Variants in DLGAP1 observed in about 807,000 individuals in gnomAD.
DLGAP1 encodes DLG associated protein 1.
A neutral mutation model predicts 90.8 loss-of-function variants in DLGAP1; 11 were observed. The observed-to-expected ratio is 0.12, with a 90% CI of 0.08 to 0.20. DLGAP1 has a LOEUF of 0.20. DLGAP1 is among the 10% of genes least tolerant of loss of function. The pLI is 1.00. For synonymous variants in DLGAP1, 558 were observed against 540.7 expected (o/e 1.03, Z -0.44); for missense variants, 1,050 against 1,333.8 (o/e 0.79, Z 3.31).
intron 7 of DLGAP1, among the ~76,000 whole-genome samples, chr18:3,595,710 G>C (rs930565004): frequency 5.3e-5 from 8 of 152,226 alleles, no homozygotes; most frequent in African/African-American, 1.9e-4. Flanking sequence ...GCTGCTTCCA[G>C]TAGGGAATGT....
rs781536420 is a variant in DLGAP1, at chr18:3,879,147, A to G, written c.922T>C (p.Ser308Pro). 6.6e-7 allele frequency: 1 copy of G among 1,508,982 alleles called. No individual in the cohort carries two copies. Among genetic ancestry groups the G allele is most frequent in the Non-Finnish European group, 8.9e-7 (1 of 1,128,592 alleles). 93.5% of individuals were successfully genotyped at this position (1,508,982 alleles called of 1,614,324 possible). The change falls in exon 4 of 13, where the codon TCG becomes CCG. Residue 308 changes from serine (S) to proline (P), a missense_variant. By Grantham distance (74) the Ser-to-Pro change is moderately conservative. Transcript: ENST00000315677. This position sits in a 1 kb window ranked among gnomAD's most constrained non-coding sequence, Gnocchi z 6.6. ...TGGCAGGAGCGTTCTTGCTGACACGACTCGGACTTCACCATGGCCTGGTCC... is the reference window on the plus strand; with the variant it reads ...TGGCAGGAGCGTTCTTGCTGACACGGCTCGGACTTCACCATGGCCTGGTCC... ...NMDQAMVKSE[S>P]CQQERSCQYL...
At chr18:3,624,862 T>C (rs2058233276) in intron 7 of DLGAP1, among the ~76,000 whole-genome samples, 1 of 151,854 alleles carries the variant, frequency 6.6e-6, no homozygotes, top group East Asian at 1.9e-4. Flanking sequence ...CTCCAAGAAA[T>C]AGACCACTAA....
chr18:3,600,869 TATAGATATATAG>T lies in DLGAP1; in HGVS notation c.1592-18633_1592-18622del, dbSNP rs1422650906. The stretch of plus-strand genomic sequence containing the variant: ...ATAGATATATAGATATATATAGATA[TATAGATATATAG>T]ATAGATATATAGATATATATAGATA... On this transcript the variant is annotated intron_variant, in intron 7 of 12. Transcript: ENST00000315677. Among the ~76,000 whole-genome samples the T allele has an allele frequency of 4.5e-3, 353 of 77,832 alleles. 31 individuals are homozygous for T. The highest frequency in any genetic ancestry group is 0.016 in the East Asian group (54 of 3,370). 51.1% of individuals were successfully genotyped at this position (77,832 alleles called of 152,430 possible).
chr18:4,231,892 A>G (rs2078306591), intron 1 of DLGAP1, among the ~76,000 whole-genome samples: 1 of 152,164 alleles, frequency 6.6e-6, no homozygotes, highest in Non-Finnish European at 1.5e-5. Flanking sequence ...TGCTATTGAC[A>G]CTAAGAATGA....
At chr18:3,714,719 C>T (rs1336191974) in intron 7 of DLGAP1, among the ~76,000 whole-genome samples, 2 of 149,814 alleles carry the variant, frequency 1.3e-5, no homozygotes, top group African/African-American at 4.9e-5. Flanking sequence ...CTGAGACCTC[C>T]ACCTCCCAGG....
At chr18:3,734,251 T>TTC (rs746959031) in intron 6 of DLGAP1, among the ~76,000 whole-genome samples, 9 of 150,660 alleles carry the variant, frequency 6.0e-5, no homozygotes, top group Non-Finnish European at 1.0e-4. Context: ...CTCTCTCTCT[T>TTC]TCTCTCTCTC....
At chr18:4,296,926 C>T (rs1309269572) in intron 1 of DLGAP1, among the ~76,000 whole-genome samples, 2 of 152,118 alleles carry the variant, frequency 1.3e-5, no homozygotes, top group South Asian at 4.1e-4. Context: ...TCTTTCATCA[C>T]CAAATAGCAC....
At chr18:3,896,351 A>T (rs1472871799) in intron 3 of DLGAP1, 1 of 152,242 alleles carries the variant, frequency 6.6e-6, no homozygotes, top group African/African-American at 2.4e-5. Context: ...CCGTCAATCA[A>T]TGCATCTCCA....
intron 3 of DLGAP1, among the ~76,000 whole-genome samples, chr18:3,997,634 T>C (rs959515642): frequency 6.6e-6 from 1 of 151,954 alleles, no homozygotes; most frequent in Non-Finnish European, 1.5e-5. Context: ...AACAGCACCA[T>C]ACAATAGAAA....
At position 3,496,425 on chromosome 18, in the gene DLGAP1, T is replaced by G. The variant is rs1455770764; in HGVS notation, c.*2760A>C. On this transcript the variant is annotated 3_prime_UTR_variant, in exon 13 of 13. Transcript: ENST00000315677. ...ATATATTACAATAAATTAGTTCTAT[T>G]TACCATTTCAAATATTAAAAATCTT... The G allele has an allele frequency of 6.6e-6, 1 of 152,200 alleles. No individual in the cohort carries two copies. Among genetic ancestry groups the G allele is most frequent in the African/African-American group, 2.4e-5 (1 of 41,452 alleles). The allele number at this position is 152,200 out of a possible 1,614,324, so 9.4% of individuals were successfully genotyped here.
At chr18:3,850,751 T>C (rs1349011766) in intron 4 of DLGAP1, among the ~76,000 whole-genome samples, 2 of 152,196 alleles carry the variant, frequency 1.3e-5, no homozygotes, top group Non-Finnish European at 2.9e-5. Flanking sequence ...CCGTGAGTGC[T>C]TAAAGAAGCA....
At chr18:3,955,781 G>A (rs542211059) in intron 3 of DLGAP1, among the ~76,000 whole-genome samples, 35 of 151,812 alleles carry the variant, frequency 2.3e-4, no homozygotes, top group African/African-American at 8.2e-4. Flanking sequence ...CATCTAGAGA[G>A]AAAACTAGTA....
In DLGAP1 at chr18:3,534,262, C is replaced by T. The variant is rs2052195038; in HGVS notation, c.2411G>A (p.Arg804Gln). 7.4e-6 allele frequency: 12 copies of T among 1,614,252 alleles called. No homozygotes were observed. Among genetic ancestry groups the T allele is most frequent in the Non-Finnish European group, 1.0e-5 (12 of 1,180,046 alleles). ...HWFLKLLQAE[R>Q]DRMEGWCQQM... ...TTGACACCACCCCTCCATGCGGTCT[C>T]GCTCTGCCTGGAGAAGCTTCAGGAA... The change falls in exon 10 of 13, where the codon CGA becomes CAA. Residue 804 changes from arginine (R) to glutamine (Q), a missense_variant. By Grantham distance (43) the Arg-to-Gln change is conservative. Transcript: ENST00000315677.
At chr18:3,823,793 T>C (rs1368548540) in intron 4 of DLGAP1, among the ~76,000 whole-genome samples, 3 of 151,310 alleles carry the variant, frequency 2.0e-5, no homozygotes, top group East Asian at 1.9e-4. Context: ...ATACTAAAAA[T>C]AGAAAAATTA....
chr18:4,105,901 G>T (rs377646815), intron 2 of DLGAP1, among the ~76,000 whole-genome samples: 11 of 151,766 alleles, frequency 7.2e-5, no homozygotes, highest in Non-Finnish European at 1.2e-4. Flanking sequence ...GCGTGGTGGC[G>T]GGCACCTGTA....
Position 4,026,836 on chromosome 18 carries a change from C to T in DLGAP1, c.-158-21635G>A, listed in dbSNP as rs984684867. ...ACAAAATTAATTATAAATTGGCATG[C>T]GACTTTCTGATTTAGCCTGACAGGA... On this transcript the variant is annotated intron_variant, in intron 2 of 12. Transcript: ENST00000315677. Among the ~76,000 whole-genome samples, 7 of 152,204 alleles carry T rather than the reference C, an allele frequency of 4.6e-5. 1 individual carries two copies. The South Asian group carries it at 1.0e-3, about 23-fold the overall frequency.
At chr18:3,645,295 T>C (rs2059079946) in intron 7 of DLGAP1, among the ~76,000 whole-genome samples, 1 of 152,110 alleles carries the variant, frequency 6.6e-6, no homozygotes, top group South Asian at 2.1e-4. Context: ...GTTTCACATG[T>C]GGTCCAGGCT....
At chr18:4,110,559 T>C (rs1176452668) in intron 2 of DLGAP1, among the ~76,000 whole-genome samples, 2 of 152,184 alleles carry the variant, frequency 1.3e-5, no homozygotes, top group African/African-American at 4.8e-5. Flanking sequence ...CAGGTCCCCA[T>C]AGTTTACTTT....
chr18:4,189,532 C>G (rs1027158592), intron 1 of DLGAP1, among the ~76,000 whole-genome samples: 1 of 152,008 alleles, frequency 6.6e-6, no homozygotes, highest in African/African-American at 2.4e-5. Flanking sequence ...TCTTAAGATG[C>G]CAGTTTCCCC....
Sources: gnomAD v4.1 joint callset for allele counts (sites outside exome capture counted in the v4.1 genomes callset) on GRCh38, gnomAD v4.1.1 for gene constraint, Gnocchi (gnomAD v3.1) non-coding constraint, MANE v1.5 for transcripts, NCBI Gene and HGNC (gene_info 2026-07-23, HGNC 2026-07-21) for gene names.